Variants in SGPP2 observed in about 807,000 individuals in gnomAD.
SGPP2 encodes sphingosine 1-phosphate phosphohydrolase 2.
SGPP2 carries 30 observed loss-of-function variants against 33.9 expected under a neutral mutation model. That is an observed-to-expected ratio of 0.89 (90% CI 0.66 to 1.20). SGPP2 has a LOEUF of 1.20. Among genes scored for constraint, SGPP2 ranks in the 50% most tolerant of loss-of-function variants. The pLI, the probability that SGPP2 is intolerant of heterozygous loss-of-function variation, is 0.00. For missense variants in SGPP2, 458 were observed against 532.1 expected (o/e 0.86, Z 1.37); for synonymous variants, 233 against 225.0 (o/e 1.04, Z -0.32).
intron 1 of SGPP2, among the ~76,000 whole-genome samples, chr2:222,445,098 GC>G (rs984187805): frequency 1.3e-5 from 2 of 152,276 alleles, no homozygotes; most frequent in East Asian, 3.9e-4. Context: ...CTTCTGTGGA[GC>G]CCCCATGGGT....
At chr2:222,520,357 C>G (rs1488234657) in intron 2 of SGPP2, among the ~76,000 whole-genome samples, 2 of 151,700 alleles carry the variant, frequency 1.3e-5, no homozygotes, top group African/African-American at 2.4e-5. Context: ...ACATCAAATT[C>G]TGATTTCTAT....
intron 4 of SGPP2, among the ~76,000 whole-genome samples, chr2:222,532,060 G>A (rs1253583979): frequency 5.9e-5 from 9 of 152,256 alleles, no homozygotes; most frequent in Admixed American, 5.9e-4. Context: ...ATCACCTGAG[G>A]TCAGGAGTTC....
At chr2:222,433,049 A>AAGAG (rs889510987) in intron 1 of SGPP2, among the ~76,000 whole-genome samples, 2 of 133,416 alleles carry the variant, frequency 1.5e-5, no homozygotes, top group South Asian at 5.7e-4. Context: ...GAAAGAAAGA[A>AAGAG]AGAGAGAGAA....
chr2:222,544,749 T>C (rs989993031), intron 4 of SGPP2, among the ~76,000 whole-genome samples: 5 of 152,296 alleles, frequency 3.3e-5, no homozygotes, highest in African/African-American at 7.2e-5. Context: ...AACTATAATA[T>C]AGCTCTGTTA....
intron 2 of SGPP2, among the ~76,000 whole-genome samples, chr2:222,497,670 T>C (rs916462456): frequency 6.6e-6 from 1 of 152,236 alleles, no homozygotes; most frequent in Non-Finnish European, 1.5e-5. Context: ...GATTATGCCA[T>C]TGGTACATTA....
intron 1 of SGPP2, among the ~76,000 whole-genome samples, chr2:222,449,394 G>A (rs981623409): frequency 6.6e-6 from 1 of 152,064 alleles, no homozygotes; most frequent in Non-Finnish European, 1.5e-5. Context: ...AACAAAAATG[G>A]TCAGGTTTAC....
At chr2:222,489,542 G>T (rs905344616) in intron 2 of SGPP2, among the ~76,000 whole-genome samples, 1 of 151,576 alleles carries the variant, frequency 6.6e-6, no homozygotes, top group African/African-American at 2.4e-5. Context: ...ACCATAGAAA[G>T]CTTTTAGAAT....
intron 4 of SGPP2, among the ~76,000 whole-genome samples, chr2:222,556,937 C>T (rs1314206329): frequency 6.6e-6 from 1 of 151,448 alleles, no homozygotes; most frequent in African/African-American, 2.4e-5. Context: ...ACCCTTAGTC[C>T]TCCCCCATCC....
At chr2:222,454,733 TAA>T (rs78696026) in intron 1 of SGPP2, among the ~76,000 whole-genome samples, 15 of 117,920 alleles carry the variant, frequency 1.3e-4, no homozygotes, top group African/African-American at 2.5e-4. Context: ...GTGGAGCTGT[TAA>T]AAAAAAAAAA....
chr2:222,517,769 T>C (rs1198620349), intron 2 of SGPP2, among the ~76,000 whole-genome samples: 1 of 152,060 alleles, frequency 6.6e-6, no homozygotes, highest in Non-Finnish European at 1.5e-5. Flanking sequence ...TCTGTGTGCT[T>C]CCCCTCCTAT....
intron 2 of SGPP2, among the ~76,000 whole-genome samples, chr2:222,498,132 G>A (rs538057799): frequency 1.1e-3 from 161 of 152,202 alleles, no homozygotes; most frequent in African/African-American, 3.9e-3. Flanking sequence ...AGCCCCTTTG[G>A]GAGACCTGAG....
intron 2 of SGPP2, 59 bp from the exon 3 acceptor site, chr2:222,521,708 T>C: frequency 6.5e-7 from 1 of 1,540,702 alleles, no homozygotes; most frequent in South Asian, 1.2e-5. Context: ...CCATGACATT[T>C]GGAAATGCAT....
rs1165825738 is a variant in SGPP2, at chr2:222,476,694, T to C, written c.378+1968T>C. On this transcript the variant is annotated intron_variant, in intron 2 of 4. Transcript: ENST00000321276. The surrounding 1 kb of genome is among the most constrained non-coding windows in gnomAD (Gnocchi z 4.3). ...ATTTTCTAAGATGTGTGTGTGTGCG[T>C]GTGTAAGGTATAACTGTATATATAT... 6.7e-6 allele frequency among the ~76,000 whole-genome samples: 1 copy of C among 149,646 alleles called. No homozygotes were observed. The highest frequency in any genetic ancestry group is 1.5e-5 in the Non-Finnish European group (1 of 67,520).
chr2:222,488,326 G>A (rs1219079595), intron 2 of SGPP2, among the ~76,000 whole-genome samples: 2 of 152,196 alleles, frequency 1.3e-5, no homozygotes, highest in African/African-American at 4.8e-5. Flanking sequence ...GGGTGAGCGA[G>A]CATTACTGCC....
In SGPP2 at chr2:222,530,750, C is replaced by T. The variant is rs926606424; in HGVS notation, c.648+5717C>T. Among the ~76,000 whole-genome samples, 8 of 152,180 alleles carry T rather than the reference C, an allele frequency of 5.3e-5. No homozygotes were observed. In the East Asian group the frequency reaches 1.3e-3, roughly 26 times the overall value. ...TTCATTGGAGTAGCACTTTTAATTG[C>T]CTTCAAGAACTTTTCCATTCCATTC... On this transcript the variant is annotated intron_variant, in intron 4 of 4. Coordinates refer to ENST00000321276, the MANE Select transcript of SGPP2 (RefSeq NM_152386.4).
chr2:222,505,035 C>A (rs193065892), intron 2 of SGPP2, among the ~76,000 whole-genome samples: 1 of 152,310 alleles, frequency 6.6e-6, no homozygotes, highest in East Asian at 1.9e-4. Context: ...TTTCAGATAG[C>A]AAGTAACATG....
intron 4 of SGPP2, among the ~76,000 whole-genome samples, chr2:222,532,885 G>C (rs1396972704): frequency 1.3e-5 from 2 of 151,966 alleles, no homozygotes; most frequent in African/African-American, 4.8e-5. Context: ...AAAACACAGG[G>C]GCCCCAATGA....
intron 1 of SGPP2, among the ~76,000 whole-genome samples, chr2:222,439,909 T>C (rs1406541906): frequency 6.6e-6 from 1 of 152,192 alleles, no homozygotes; most frequent in Non-Finnish European, 1.5e-5. Context: ...CAAGGTCATA[T>C]TCCTGGTCTT....
chr2:222,444,956 C>A (rs1049670246), intron 1 of SGPP2, among the ~76,000 whole-genome samples: 22 of 152,206 alleles, frequency 1.4e-4, no homozygotes, highest in African/African-American at 3.6e-4. Context: ...AAGCTTTTAG[C>A]ATGCAAGCAT....
Sources: gnomAD v4.1 joint callset for allele counts (sites outside exome capture counted in the v4.1 genomes callset) on GRCh38, gnomAD v4.1.1 for gene constraint, Gnocchi (gnomAD v3.1) non-coding constraint, MANE v1.5 for transcripts, NCBI Gene and HGNC (gene_info 2026-07-23, HGNC 2026-07-21) for gene names.